Variants in KIF13A observed in about 807,000 individuals in gnomAD.
The protein encoded by KIF13A is kinesin-like protein KIF13A.
In KIF13A, 79 loss-of-function variants were observed where a neutral mutation model predicts 212.2. That is an observed-to-expected ratio of 0.37 (90% CI 0.31 to 0.45). KIF13A has a LOEUF of 0.45. Among genes scored for constraint, KIF13A ranks in the 20% least tolerant of loss-of-function variants. KIF13A has a pLI of 1.00. For synonymous variants in KIF13A, 789 were observed against 808.6 expected, an observed-to-expected ratio of 0.98 and a Z score of 0.41; for missense variants, 1,901 against 2,209.0, an observed-to-expected ratio of 0.86 and a Z score of 2.79.
At chr6:17,972,105 C>G (rs1779853051) in intron 2 of KIF13A, among the ~76,000 whole-genome samples, 1 of 152,192 alleles carries the variant, frequency 6.6e-6, no homozygotes, top group East Asian at 1.9e-4. Context: ...CCTATTTGTA[C>G]TGTAACTCTT....
chr6:17,848,966 GGA>G (rs1767367436), intron 9 of KIF13A, among the ~76,000 whole-genome samples: 1 of 152,018 alleles, frequency 6.6e-6, no homozygotes, highest in Non-Finnish European at 1.5e-5. Flanking sequence ...TGCCCAAGCT[GGA>G]GTGTAGTGGT....
At position 17,809,004 on chromosome 6, in the gene KIF13A, T is replaced by A. The variant is rs1763210613; in HGVS notation, c.2001-74A>T. 6 of 1,360,570 alleles carry A rather than the reference T, an allele frequency of 4.4e-6. No homozygotes were observed. Among genetic ancestry groups the A allele is most frequent in the Non-Finnish European group, 5.9e-6 (6 of 1,019,542 alleles). 84.3% of individuals were successfully genotyped at this position (1,360,570 alleles called of 1,614,324 possible). On this transcript the variant is annotated intron_variant, in intron 17 of 38. Transcript: ENST00000259711. The surrounding 1 kb of genome is among the most constrained non-coding windows in gnomAD (Gnocchi z 4.7). The stretch of plus-strand genomic sequence containing the variant: ...ATCCCGTTTCTAAGTGAGCATCTTA[T>A]TAGAAAATGGGAGAAAACTCCTCTC...
At chr6:17,923,535 G>GT (rs777195596) in intron 2 of KIF13A, among the ~76,000 whole-genome samples, 10,574 of 142,742 alleles carry the variant, frequency 0.074, 374 homozygotes, top group Non-Finnish European at 0.083. Flanking sequence ...CCTGGGTTTG[G>GT]TTTTTTTTTT....
At chr6:17,759,629 A>G (rs1464369336), downstream of KIF13A, 1 of 152,176 alleles carries the variant, frequency 6.6e-6, no homozygotes, top group Non-Finnish European at 1.5e-5. Context: ...TAATCCTTCA[A>G]TGTCTCCATT....
chr6:17,824,760 CA>C (rs1234476186), intron 16 of KIF13A, among the ~76,000 whole-genome samples: 83 of 48,818 alleles, frequency 1.7e-3, no homozygotes, highest in African/African-American at 5.3e-3. Flanking sequence ...GACTCCGTCT[CA>C]AAAAAAAAAA....
rs1775520204 is a variant in KIF13A, at chr6:17,926,583, C to T, written c.147-28403G>A. Among the ~76,000 whole-genome samples the T allele has an allele frequency of 6.6e-6, 1 of 152,014 alleles. No individual in the cohort carries two copies. The highest frequency in any genetic ancestry group is 2.4e-5 in the African/African-American group (1 of 41,374). Reference sequence around the variant, plus strand: ...TAGGAGGTTTTTCTGATATTTAGAACAAAGTTTCACCAGCTGCTTCTCGGC... The same window carrying T: ...TAGGAGGTTTTTCTGATATTTAGAATAAAGTTTCACCAGCTGCTTCTCGGC... On this transcript the variant is annotated intron_variant, in intron 2 of 38. Coordinates refer to ENST00000259711, the MANE Select transcript of KIF13A (RefSeq NM_022113.6). The surrounding 1 kb of genome is among the most constrained non-coding windows in gnomAD (Gnocchi z 4.3).
Position 17,811,035 on chromosome 6 carries a change from T to C in KIF13A, c.2001-2105A>G, listed in dbSNP as rs1341552979. On this transcript the variant is annotated intron_variant, in intron 17 of 38. Transcript: ENST00000259711. This position sits in a 1 kb window ranked among gnomAD's most constrained non-coding sequence, Gnocchi z 6.0. ...AACAGTTCTTTTGCAGTCTCCCAAA[T>C]ACATCTTAATTCTCTTCCATTGCTT... Among the ~76,000 whole-genome samples, 3 of 152,214 alleles carry C rather than the reference T, an allele frequency of 2.0e-5. No individual in the cohort carries two copies.
Position 17,987,246 on chromosome 6 carries a change from C to A in KIF13A, c.56-102G>T. The stretch of plus-strand genomic sequence containing the variant: ...GCGGGGCTCCGTCCCTGGAGGCGGC[C>A]GAGCCTGGAGACGGCGCCCCGGGCA... On this transcript the variant is annotated intron_variant, in intron 1 of 38. Coordinates refer to ENST00000259711, the MANE Select transcript of KIF13A (RefSeq NM_022113.6). The surrounding 1 kb of genome is among the most constrained non-coding windows in gnomAD (Gnocchi z 7.7). 1.9e-6 allele frequency: 2 copies of A among 1,034,758 alleles called. No individual in the cohort carries two copies. The highest frequency in any genetic ancestry group is 2.6e-6 in the Non-Finnish European group (2 of 770,998). The allele number at this position is 1,034,758 out of a possible 1,614,324, so 64.1% of individuals were successfully genotyped here. A position where few individuals can be genotyped will look rare whatever the true frequency, so the allele number is the denominator to read the frequency against.
chr6:17,928,349 C>T (rs1329791195), intron 2 of KIF13A, among the ~76,000 whole-genome samples: 5 of 152,184 alleles, frequency 3.3e-5, no homozygotes, highest in Admixed American at 6.5e-5. Context: ...AACCTTTCCA[C>T]ACCAGTTGGA....
intron 17 of KIF13A, among the ~76,000 whole-genome samples, chr6:17,815,891 T>C (rs895914194): frequency 3.8e-4 from 56 of 147,958 alleles, no homozygotes; most frequent in Non-Finnish European, 6.7e-4. Flanking sequence ...CATAAATCTT[T>C]TCTTTTAGTC....
chr6:17,945,456 A>G (rs1305342834), intron 2 of KIF13A, among the ~76,000 whole-genome samples: 2 of 152,266 alleles, frequency 1.3e-5, no homozygotes, highest in East Asian at 3.9e-4. Flanking sequence ...TTCAGCATAC[A>G]TACAGAAAAA....
rs373002169 is a variant in KIF13A, at chr6:17,794,569, T to C, written c.3075+3A>G. ...AAAAAAAAACCCAAAACAAACTCAG[T>C]ACCTGTCTAAGTTGAAAGATGCCTC... is the stretch of plus-strand genomic sequence containing the variant. On this transcript the variant is annotated splice_donor_region_variant and intron_variant, in intron 24 of 38. Transcript: ENST00000259711. This position sits in a 1 kb window ranked among gnomAD's most constrained non-coding sequence, Gnocchi z 4.1. 157 of 1,602,066 alleles carry C rather than the reference T, an allele frequency of 9.8e-5. No homozygotes were observed. The highest frequency in any genetic ancestry group is 8.4e-4 in the Middle Eastern group (5 of 5,984).
chr6:17,948,750 G>C (rs544126893), intron 2 of KIF13A, among the ~76,000 whole-genome samples: 1 of 151,484 alleles, frequency 6.6e-6, no homozygotes, highest in East Asian at 1.9e-4. Context: ...TTGTAGAGAT[G>C]GGGTTTCACC....
chr6:17,826,734 C>T lies in KIF13A; in HGVS notation c.1533-610G>A, dbSNP rs995721373. ...CAACTGAAAAAGAAAACTGATGAGA[C>T]AACTGGGGAAATCTGAACACTGACT... On this transcript the variant is annotated intron_variant, in intron 14 of 38. Transcript: ENST00000259711. This position sits in a 1 kb window ranked among gnomAD's most constrained non-coding sequence, Gnocchi z 4.7. Among the ~76,000 whole-genome samples the T allele has an allele frequency of 6.6e-6, 1 of 152,070 alleles. No homozygotes were observed. Among genetic ancestry groups the T allele is most frequent in the African/African-American group, 2.4e-5 (1 of 41,412 alleles).
intron 2 of KIF13A, chr6:17,953,574 CG>C (rs1483116564): frequency 3.3e-5 from 5 of 152,258 alleles, no homozygotes; most frequent in Non-Finnish European, 7.3e-5. Context: ...CCGGCATGGC[CG>C]AAGAAGGCAC....
At chr6:17,948,777 G>T (rs1161985026) in intron 2 of KIF13A, among the ~76,000 whole-genome samples, 1 of 151,584 alleles carries the variant, frequency 6.6e-6, no homozygotes, top group African/African-American at 2.4e-5. Flanking sequence ...GCTGGGCTGG[G>T]CTGGTCTCAA....
At chr6:17,822,032 A>T in intron 16 of KIF13A, 1 of 961,966 alleles carries the variant, frequency 1.0e-6, no homozygotes, top group Non-Finnish European at 1.5e-6. Context: ...GGGTAGGGGG[A>T]AACATAACTT....
intron 2 of KIF13A, among the ~76,000 whole-genome samples, chr6:17,916,581 A>G (rs1410454076): frequency 1.3e-5 from 2 of 152,260 alleles, no homozygotes; most frequent in Non-Finnish European, 2.9e-5. Flanking sequence ...ATGCAGTTAA[A>G]AAGAAACAAA....
In KIF13A at chr6:17,825,948, C is replaced by T. The variant is rs779294621; in HGVS notation, c.1620-14G>A. 2 of 1,613,082 alleles carry T rather than the reference C, an allele frequency of 1.2e-6. No homozygotes were observed. Among genetic ancestry groups the T allele is most frequent in the Admixed American group, 1.7e-5 (1 of 59,816 alleles). On this transcript the variant is annotated splice_polypyrimidine_tract_variant and intron_variant, in intron 15 of 38. Transcript: ENST00000259711. This position sits in a 1 kb window ranked among gnomAD's most constrained non-coding sequence, Gnocchi z 4.5. ...GGTAAGTTTATTCTGTGGGGTTTTT[C>T]ACCATTAGAGAAAATCAACTTGTTT...
Sources: allele counts gnomAD v4.1 joint callset (sites outside exome capture counted in the v4.1 genomes callset), GRCh38; gene constraint gnomAD v4.1.1; non-coding constraint Gnocchi (gnomAD v3.1); transcripts MANE v1.5; gene names NCBI Gene and HGNC (gene_info 2026-07-23, HGNC 2026-07-21).